Variants in CSMD1 observed in about 807,000 individuals in gnomAD.
The protein encoded by CSMD1 is CUB and sushi domain-containing protein 1.
Under a neutral mutation model 417.5 loss-of-function variants are expected in CSMD1, and 213 were observed. That is an observed-to-expected ratio of 0.51 (90% confidence interval 0.46 to 0.57). The LOEUF (loss-of-function observed/expected upper bound fraction) is 0.57, where lower values mean the gene tolerates loss of function less well. Among genes scored for constraint, CSMD1 ranks in the 20% least tolerant of loss-of-function variants. CSMD1 has a pLI of 0.00. For missense variants in CSMD1, 6,923 were observed against 4,529.7 expected (o/e 1.53, Z -15.17); for synonymous variants, 2,862 against 1,736.8 (o/e 1.65, Z -16.11).
At chr8:3,008,811 G>A (rs749920803) in intron 52 of CSMD1, among the ~76,000 whole-genome samples, 4 of 152,194 alleles carry the variant, frequency 2.6e-5, no homozygotes, top group Admixed American at 2.6e-4. Context: ...CTGATTGTCA[G>A]TGGTGACTTT....
rs1469565989 is a variant in CSMD1, at chr8:3,367,148, G to C, written c.2999C>G (p.Thr1000Ser). Residue 1000 changes from threonine to serine, a missense_variant, in exon 20 of 70, where the codon ACC becomes AGC. By Grantham distance (58) the Thr-to-Ser change is moderately conservative. Coordinates refer to ENST00000635120, the MANE Select transcript of CSMD1 (RefSeq NM_033225.6). ...GSFSEPVARL[T>S]GSVLPHTIKA... ...GATCGTATGAGGCAACACCGACCCG[G>C]TGAGCCTGGCAACGGGCTCGGAAAA... is the stretch of plus-strand genomic sequence containing the variant. The C allele has an allele frequency of 6.2e-7, 1 of 1,613,554 alleles. No individual in the cohort carries two copies. Among genetic ancestry groups the C allele is most frequent in the Non-Finnish European group, 8.5e-7 (1 of 1,179,744 alleles).
chr8:3,250,040 G>T (rs1585794464), intron 26 of CSMD1, among the ~76,000 whole-genome samples: 1 of 152,170 alleles, frequency 6.6e-6, no homozygotes, highest in African/African-American at 2.4e-5. Context: ...GACTCCATGT[G>T]ACCAAGTACA....
At chr8:3,659,041 G>A (rs144574424) in intron 7 of CSMD1, among the ~76,000 whole-genome samples, 3 of 152,184 alleles carry the variant, frequency 2.0e-5, no homozygotes, top group East Asian at 1.9e-4. Flanking sequence ...AATTAACACG[G>A]CGCCATTGCA....
At chr8:3,845,690 T>A (rs1803458702) in intron 5 of CSMD1, among the ~76,000 whole-genome samples, 1 of 152,222 alleles carries the variant, frequency 6.6e-6, no homozygotes, top group Non-Finnish European at 1.5e-5. Flanking sequence ...TAGCTTACTG[T>A]AACATTTTGT....
At chr8:4,189,554 C>G (rs1261625460) in intron 3 of CSMD1, among the ~76,000 whole-genome samples, 2 of 152,108 alleles carry the variant, frequency 1.3e-5, no homozygotes, top group Non-Finnish European at 2.9e-5. Context: ...CATCAATTAT[C>G]CCTCCAAAAT....
chr8:3,839,001 ATAT>A (rs780526594), intron 5 of CSMD1, among the ~76,000 whole-genome samples: 138 of 122,934 alleles, frequency 1.1e-3, no homozygotes, highest in East Asian at 2.9e-3. Context: ...TATAATTATA[ATAT>A]TATATATTTA....
intron 5 of CSMD1, among the ~76,000 whole-genome samples, chr8:3,793,372 C>G (rs768245370): frequency 6.6e-6 from 1 of 152,162 alleles, no homozygotes; most frequent in Non-Finnish European, 1.5e-5. Flanking sequence ...TTTTCTTTTT[C>G]TGTTCAGAAA....
In CSMD1 at chr8:4,154,261, T is replaced by C. The variant is rs538254720; in HGVS notation, c.416-122162A>G. On this transcript the variant is annotated intron_variant, in intron 3 of 69. Transcript: ENST00000635120. ...ATGAAATAAAGTTTCTGGCAAACAG[T>C]AATGCTAAAAAATAAATAAATAAAT... Among the ~76,000 whole-genome samples the C allele has an allele frequency of 8.2e-5, 12 of 146,980 alleles. No individual in the cohort carries two copies. The East Asian group carries it at 2.4e-3, about 29-fold the overall frequency.
At chr8:3,067,082 C>G (rs1298094612) in intron 49 of CSMD1, among the ~76,000 whole-genome samples, 4 of 117,596 alleles carry the variant, frequency 3.4e-5, no homozygotes, top group Non-Finnish European at 6.6e-5. Flanking sequence ...AGCCTGGGGC[C>G]TGGCACAGAA....
At chr8:4,731,017 G>C (rs139130973) in intron 1 of CSMD1, among the ~76,000 whole-genome samples, 2 of 152,242 alleles carry the variant, frequency 1.3e-5, no homozygotes, top group African/African-American at 4.8e-5. Context: ...TAAAGTTCTA[G>C]GCCCAAGACG....
At chr8:3,243,008 A>G (rs566800342) in intron 26 of CSMD1, among the ~76,000 whole-genome samples, 67 of 152,244 alleles carry the variant, frequency 4.4e-4, no homozygotes, top group African/African-American at 1.6e-3. Context: ...CCAGCGCCGG[A>G]GTTTTGAGTC....
At chr8:4,717,255 G>A (rs1479464756) in intron 1 of CSMD1, among the ~76,000 whole-genome samples, 1 of 149,828 alleles carries the variant, frequency 6.7e-6, no homozygotes, top group Non-Finnish European at 1.5e-5. Context: ...ATGGCAGGAT[G>A]AAAATAGGGC....
chr8:3,645,972 A>G (rs1397532005), intron 7 of CSMD1, among the ~76,000 whole-genome samples: 1 of 152,176 alleles, frequency 6.6e-6, no homozygotes, highest in East Asian at 1.9e-4. Context: ...AAATTTAGAA[A>G]AAAACTAGCT....
intron 10 of CSMD1, among the ~76,000 whole-genome samples, chr8:3,514,117 G>A (rs1336749519): frequency 3.6e-4 from 55 of 152,042 alleles, no homozygotes; most frequent in Admixed American, 3.6e-3. Context: ...CAGATAGGAG[G>A]CTCAAATCAA....
intron 3 of CSMD1, among the ~76,000 whole-genome samples, chr8:4,159,930 G>T (rs999695373): frequency 1.3e-5 from 2 of 151,946 alleles, no homozygotes; most frequent in African/African-American, 2.4e-5. Flanking sequence ...AAACTTTCGG[G>T]CCTTGAGGGG....
chr8:4,394,027 A>G (rs745845736), intron 3 of CSMD1, among the ~76,000 whole-genome samples: 2 of 152,194 alleles, frequency 1.3e-5, no homozygotes, highest in Non-Finnish European at 2.9e-5. Flanking sequence ...GCCTTCAAAG[A>G]ACACCTCAGT....
At chr8:3,957,568 C>T (rs530971931) in intron 5 of CSMD1, among the ~76,000 whole-genome samples, 2 of 152,106 alleles carry the variant, frequency 1.3e-5, no homozygotes, top group African/African-American at 4.8e-5. Flanking sequence ...CTTGTAGTCC[C>T]AGCTACTCAG....
intron 3 of CSMD1, among the ~76,000 whole-genome samples, chr8:4,206,812 TTA>T: frequency 6.6e-6 from 1 of 152,338 alleles, no homozygotes; most frequent in Admixed American, 6.5e-5. Flanking sequence ...GTTCTAATAT[TTA>T]TGACTTTTGA....
intron 11 of CSMD1, among the ~76,000 whole-genome samples, chr8:3,471,104 A>G (rs548878694): frequency 2.3e-4 from 35 of 152,326 alleles, no homozygotes; most frequent in African/African-American, 8.4e-4. Flanking sequence ...ATTTTTCCCC[A>G]GACTGTTTGT....
Sources: gnomAD v4.1 joint callset for allele counts (sites outside exome capture counted in the v4.1 genomes callset) on GRCh38, gnomAD v4.1.1 for gene constraint, MANE v1.5 for transcripts, NCBI Gene and HGNC (gene_info 2026-07-23, HGNC 2026-07-21) for gene names.